The following HIVEP3 variants were observed in gnomAD, a reference collection of about 807,000 sequenced individuals.
HIVEP3 encodes the protein HIVEP zinc finger 3, also known as transcription factor HIVEP3.
A neutral mutation model predicts 152.8 loss-of-function variants in HIVEP3; 49 were observed. The observed-to-expected ratio is 0.32, with a 90% CI of 0.26 to 0.41. The LOEUF (loss-of-function observed/expected upper bound fraction) is 0.41, where lower values mean the gene tolerates loss of function less well. Among genes scored for constraint, HIVEP3 ranks in the 10% least tolerant of loss-of-function variants. The probability of loss-of-function intolerance (pLI) is 1.00; values close to 1 mark genes in which losing one functional copy is unlikely to be tolerated. For missense variants in HIVEP3, 2,790 were observed against 3,103.3 expected (o/e 0.90, Z 2.40); for synonymous variants, 1,269 against 1,289.0 (o/e 0.98, Z 0.33).
chr1:42,013,724 A>C (rs1270371651), intron 1 of HIVEP3, among the ~76,000 whole-genome samples: 1 of 152,216 alleles, frequency 6.6e-6, no homozygotes, highest in East Asian at 1.9e-4. Context: ...CTTACAAGGA[A>C]TACTTTAGGT....
chr1:41,829,037 G>A (rs1216266601), intron 1 of HIVEP3, among the ~76,000 whole-genome samples: 4 of 152,262 alleles, frequency 2.6e-5, no homozygotes, highest in Non-Finnish European at 4.4e-5. Context: ...TGATGGTCCA[G>A]GCTCTCCAGG....
Position 41,635,476 on chromosome 1 carries a change from CTA to C in HIVEP3, c.-720-6531_-720-6530del, listed in dbSNP as rs371690921. 1.3e-4 allele frequency among the ~76,000 whole-genome samples: 17 copies of C among 131,538 alleles called. 1 individual carries two copies. Among genetic ancestry groups the C allele is most frequent in the East Asian group, 2.2e-4 (1 of 4,548 alleles). The allele number at this position is 131,538 out of a possible 152,430, so 86.3% of individuals were successfully genotyped here. A position where few individuals can be genotyped will look rare whatever the true frequency, so the allele number is the denominator to read the frequency against. ...AGTGAGAAAATGACAGCAACCACAA[CTA>C]TATATATATATACACACACATATAT... On this transcript the variant is annotated intron_variant, in intron 2 of 8. Coordinates refer to ENST00000372583, the MANE Select transcript of HIVEP3 (RefSeq NM_024503.5).
At chr1:41,527,722 ACCCT>A (rs764594805) in intron 5 of HIVEP3, among the ~76,000 whole-genome samples, 1 of 122,130 alleles carries the variant, frequency 8.2e-6, no homozygotes, top group Non-Finnish European at 1.7e-5. Context: ...TCACATGCTC[ACCCT>A]CACACATGCA....
At chr1:41,975,703 C>T (rs1015281726) in intron 1 of HIVEP3, among the ~76,000 whole-genome samples, 1 of 152,180 alleles carries the variant, frequency 6.6e-6, no homozygotes, top group African/African-American at 2.4e-5. Flanking sequence ...ATGCCAAGGC[C>T]GCTCTCAAAG....
rs34078704 is a variant in HIVEP3 at position 41,986,438 on chromosome 1, CTTT to C, written n.119+49366_119+49368del. Among the ~76,000 whole-genome samples the C allele has an allele frequency of 8.4e-4, 95 of 112,454 alleles. 1 individual carries two copies. The highest frequency in any genetic ancestry group is 9.3e-3 in the Middle Eastern group (2 of 214). The allele number at this position is 112,454 out of a possible 152,430, so 73.8% of individuals were successfully genotyped here. ...CATTACACTTTTGTGTTGAATAGGA[CTTT>C]TTTTTTTTTTTTTTTTTGAGACGCA... is the stretch of plus-strand genomic sequence containing the variant. On this transcript the variant is annotated intron_variant and non_coding_transcript_variant, in intron 1 of 3. Coordinates refer to the HIVEP3 transcript ENST00000489103.
At chr1:41,642,063 A>T (rs1645381863) in intron 2 of HIVEP3, among the ~76,000 whole-genome samples, 1 of 152,206 alleles carries the variant, frequency 6.6e-6, no homozygotes, top group East Asian at 1.9e-4. Context: ...GCCTCAATCC[A>T]TGTTAATGAA....
rs1201745790 is a variant in HIVEP3, at chr1:41,664,337, A to G, written c.-720-35390T>C. ...CCTGAGGGGTGACTTTCTATCATTC[A>G]CACACACAGGCTCAGATGACAGCCT... On this transcript the variant is annotated intron_variant, in intron 2 of 8. Coordinates refer to ENST00000372583, the MANE Select transcript of HIVEP3 (RefSeq NM_024503.5). The surrounding 1 kb of genome is among the most constrained non-coding windows in gnomAD (Gnocchi z 4.4). Among the ~76,000 whole-genome samples, 1 of 152,142 alleles carries G rather than the reference A, an allele frequency of 6.6e-6. No homozygotes were observed. Among genetic ancestry groups the G allele is most frequent in the African/African-American group, 2.4e-5 (1 of 41,418 alleles).
intron 1 of HIVEP3, among the ~76,000 whole-genome samples, chr1:41,816,541 G>T (rs915168486): frequency 6.6e-6 from 1 of 151,994 alleles, no homozygotes; most frequent in Non-Finnish European, 1.5e-5. Context: ...ACAAAAATTA[G>T]CCAGGCATGG....
chr1:41,669,279 G>A (rs1020369696), intron 2 of HIVEP3, among the ~76,000 whole-genome samples: 2 of 152,288 alleles, frequency 1.3e-5, no homozygotes, highest in African/African-American at 4.8e-5. Flanking sequence ...AGCGCTGAGG[G>A]GAGACCTGGG....
chr1:41,634,953 C>T (rs1645247605), intron 2 of HIVEP3, among the ~76,000 whole-genome samples: 1 of 152,048 alleles, frequency 6.6e-6, no homozygotes, highest in East Asian at 1.9e-4. Flanking sequence ...AAGAAGAATA[C>T]AAAGGGTTTG....
rs201384673 is a variant in HIVEP3, at chr1:41,580,933, G to C, written c.3865C>G (p.Pro1289Ala). ...TEYSSDIRLPPVAPPASSSAP... is the reference protein window; with the variant it reads ...TEYSSDIRLPAVAPPASSSAP... ...GAGGAGCTGGCTGGGGGAGCCACAGGGGGTAGCCGGATGTCACTGCTGTAC... is the reference window on the plus strand; with the variant it reads ...GAGGAGCTGGCTGGGGGAGCCACAGCGGGTAGCCGGATGTCACTGCTGTAC... The change falls in exon 4 of 9, where the codon CCT (proline) becomes GCT (alanine). Residue 1289 changes from proline to alanine, a missense_variant. Coordinates refer to ENST00000372583, the MANE Select transcript of HIVEP3 (RefSeq NM_024503.5). 280 of 1,612,612 alleles carry C rather than the reference G, an allele frequency of 1.7e-4. No homozygotes were observed. Among genetic ancestry groups the C allele is most frequent in the Admixed American group, 6.7e-5 (4 of 59,890 alleles).
chr1:41,753,246 T>A (rs1647193503), intron 1 of HIVEP3, among the ~76,000 whole-genome samples: 1 of 152,216 alleles, frequency 6.6e-6, no homozygotes, highest in African/African-American at 2.4e-5. Flanking sequence ...AGTGTTTTTT[T>A]AATGTGCATC....
intron 1 of HIVEP3, among the ~76,000 whole-genome samples, chr1:41,851,884 G>C (rs1428716445): frequency 6.6e-6 from 1 of 152,120 alleles, no homozygotes; most frequent in Non-Finnish European, 1.5e-5. Context: ...GCAATGAGGT[G>C]TACTGGAATG....
chr1:41,791,131 C>T (rs1314251093), intron 1 of HIVEP3, among the ~76,000 whole-genome samples: 3 of 120,700 alleles, frequency 2.5e-5, no homozygotes, highest in East Asian at 2.8e-4. Flanking sequence ...TACACACACA[C>T]ACACACACAC....
rs146578787 is a variant in HIVEP3, at chr1:41,771,856, G to A, written c.-800-70861C>T. ...ATTTTTTTGTATTTTTAGTAGAGAT[G>A]GGGTTTCACCGTGTTAGCCAGGCTG... On this transcript the variant is annotated intron_variant, in intron 1 of 8. Coordinates refer to ENST00000372583, the MANE Select transcript of HIVEP3 (RefSeq NM_024503.5). Among the ~76,000 whole-genome samples, 1,022 of 152,142 alleles carry A rather than the reference G, an allele frequency of 6.7e-3. 11 individuals are homozygous for A. The highest frequency in any genetic ancestry group is 0.024 in the African/African-American group (981 of 41,510).
intron 1 of HIVEP3, among the ~76,000 whole-genome samples, chr1:41,705,946 A>C (rs1646427272): frequency 6.6e-6 from 1 of 152,272 alleles, no homozygotes; most frequent in Non-Finnish European, 1.5e-5. Flanking sequence ...GATAGCCTGC[A>C]GTACAAATCC....
intron 5 of HIVEP3, among the ~76,000 whole-genome samples, chr1:41,544,852 C>CTG (rs1643664263): frequency 9.9e-6 from 1 of 100,838 alleles, no homozygotes; most frequent in Non-Finnish European, 2.0e-5. Context: ...ACTACCACCA[C>CTG]CACCACCACC....
chr1:41,732,857 G>T (rs7534463), intron 1 of HIVEP3, among the ~76,000 whole-genome samples: 1 of 151,954 alleles, frequency 6.6e-6, no homozygotes, highest in Non-Finnish European at 1.5e-5. Flanking sequence ...ACTGGGGGTC[G>T]GTAGGAGGGC....
At chr1:41,660,190 T>C (rs1645692462) in intron 2 of HIVEP3, among the ~76,000 whole-genome samples, 1 of 152,146 alleles carries the variant, frequency 6.6e-6, no homozygotes, top group Non-Finnish European at 1.5e-5. Context: ...CACACGTGTG[T>C]ATGTGTGCAT....
Sources: allele counts gnomAD v4.1 joint callset (sites outside exome capture counted in the v4.1 genomes callset), GRCh38; gene constraint gnomAD v4.1.1; non-coding constraint Gnocchi (gnomAD v3.1); transcripts MANE v1.5; gene names NCBI Gene and HGNC (gene_info 2026-07-23, HGNC 2026-07-21).